PPM1D: variants seen among roughly 807,000 people sequenced by gnomAD.
The protein encoded by PPM1D is protein phosphatase 1D.
Under a neutral mutation model 58.3 loss-of-function variants are expected in PPM1D, and 52 were observed. That is an observed-to-expected ratio of 0.89 (90% confidence interval 0.71 to 1.12). The LOEUF (loss-of-function observed/expected upper bound fraction) is 1.12. Ranked by LOEUF, PPM1D falls within the 50% of genes most tolerant of loss-of-function variation. PPM1D has a pLI of 0.00. For synonymous variants in PPM1D, 278 were observed against 285.1 expected (o/e 0.98, Z 0.25); for missense variants, 564 against 777.2 (o/e 0.73, Z 3.26).
chr17:60,629,088 T>G (rs568273283), intron 2 of PPM1D, among the ~76,000 whole-genome samples: 1 of 152,304 alleles, frequency 6.6e-6, no homozygotes, highest in South Asian at 2.1e-4. Context: ...ACCCTCTTCT[T>G]GTATTTCTCT....
At chr17:60,616,607 CAAAAAAA>C (rs2030590740) in intron 1 of PPM1D, among the ~76,000 whole-genome samples, 1 of 150,186 alleles carries the variant, frequency 6.7e-6, no homozygotes, top group Non-Finnish European at 1.5e-5. Flanking sequence ...GAGACTGTCT[CAAAAAAA>C]GAAAAAGAAT....
At chr17:60,623,096 A>G (rs2030739378) in intron 1 of PPM1D, among the ~76,000 whole-genome samples, 1 of 152,196 alleles carries the variant, frequency 6.6e-6, no homozygotes, top group South Asian at 2.1e-4. Context: ...CAGAAAAACA[A>G]GTAGCTTTTT....
chr17:60,657,208 G>A (rs949244363), intron 5 of PPM1D: 1 of 658,512 alleles, frequency 1.5e-6, no homozygotes, highest in African/African-American at 2.0e-5. Context: ...ATAAGCCTGA[G>A]AGATTAAACT....
rs568131451 is a variant in PPM1D at position 60,658,349 on chromosome 17, C to T, written c.1260+1508C>T. On this transcript the variant is annotated intron_variant, in intron 5 of 5. Coordinates refer to ENST00000305921, the MANE Select transcript of PPM1D (RefSeq NM_003620.4). ...CATTAGTAAACCCATACATAAAATA[C>T]GTTTAAAAAATTACTTAAGCTGGGC... Among the ~76,000 whole-genome samples, 48 of 152,196 alleles carry T rather than the reference C, an allele frequency of 3.2e-4. No homozygotes were observed. The East Asian group carries it at 4.8e-3, about 15-fold the overall frequency.
intron 5 of PPM1D, among the ~76,000 whole-genome samples, chr17:60,661,726 G>A (rs1329544375): frequency 6.6e-6 from 1 of 152,156 alleles, no homozygotes; most frequent in East Asian, 1.9e-4. Flanking sequence ...GCAGTATCTA[G>A]TGTTTGCAGG....
intron 3 of PPM1D, among the ~76,000 whole-genome samples, chr17:60,645,657 TATACACACACACACATATACATATAC>T (rs2143699122): frequency 1.4e-5 from 2 of 141,702 alleles, no homozygotes; most frequent in Admixed American, 7.3e-5. Context: ...TATATATATA[TATACACACACACACATATACATATAC>T]ATATGTAGGT....
intron 4 of PPM1D, among the ~76,000 whole-genome samples, chr17:60,655,340 T>G (rs2031416954): frequency 6.6e-6 from 1 of 152,176 alleles, no homozygotes. Flanking sequence ...TAACTTGATG[T>G]TTACTTCTTG....
intron 1 of PPM1D, among the ~76,000 whole-genome samples, chr17:60,605,878 C>T (rs1184457834): frequency 1.3e-5 from 2 of 152,200 alleles, no homozygotes; most frequent in African/African-American, 4.8e-5. Flanking sequence ...GCACTCCAGC[C>T]TGGGAGAAGA....
chr17:60,634,091 A>G, intron 3 of PPM1D, 114 bp downstream of exon 3: 1 of 1,236,764 alleles, frequency 8.1e-7, no homozygotes, highest in Non-Finnish European at 1.1e-6. Context: ...GGGTAGAGAT[A>G]TCATGATATT....
At position 60,615,675 on chromosome 17, in the gene PPM1D, CT is replaced by C. The variant is rs746657008; in HGVS notation, c.473-7828del. ...AGTATGTGGGAGAATTTTCTTTTTA[CT>C]TTTTTTTTTTTTTTTTTGGGTAGAG... is the stretch of plus-strand genomic sequence containing the variant. On this transcript the variant is annotated intron_variant, in intron 1 of 5. Coordinates refer to ENST00000305921, the MANE Select transcript of PPM1D (RefSeq NM_003620.4). Among the ~76,000 whole-genome samples the C allele has an allele frequency of 6.6e-3, 829 of 124,824 alleles. 4 individuals carry two copies. Among genetic ancestry groups the C allele is most frequent in the African/African-American group, 0.019 (661 of 34,206 alleles). 81.9% of individuals were successfully genotyped at this position (124,824 alleles called of 152,430 possible). A position where few individuals can be genotyped will look rare whatever the true frequency, so the allele number is the denominator to read the frequency against.
chr17:60,614,796 C>T (rs1329642133), intron 1 of PPM1D, among the ~76,000 whole-genome samples: 2 of 152,132 alleles, frequency 1.3e-5, no homozygotes, highest in Non-Finnish European at 2.9e-5. Flanking sequence ...GGAAAGTCTG[C>T]AGCTTCATTC....
intron 1 of PPM1D, among the ~76,000 whole-genome samples, chr17:60,601,462 T>C (rs2030209832): frequency 6.6e-6 from 1 of 152,198 alleles, no homozygotes; most frequent in Non-Finnish European, 1.5e-5. Flanking sequence ...TCCGTTGTAA[T>C]GATGGTGAGA....
intron 3 of PPM1D, among the ~76,000 whole-genome samples, chr17:60,637,435 G>C (rs1265147168): frequency 6.6e-6 from 1 of 152,044 alleles, no homozygotes; most frequent in African/African-American, 2.4e-5. Context: ...TGAGCAGCTG[G>C]AAAAATGGAG....
At chr17:60,621,935 C>G (rs1247420434) in intron 1 of PPM1D, among the ~76,000 whole-genome samples, 1 of 148,410 alleles carries the variant, frequency 6.7e-6, no homozygotes, top group Non-Finnish European at 1.5e-5. Context: ...CGCCTGTAAT[C>G]CCAACACTTT....
Position 60,647,691 on chromosome 17 carries a change from G to A in PPM1D, c.827-201G>A, listed in dbSNP as rs192923621. ...AAGATGATTATTACAGAATTCTGGT[G>A]GATATACTTTATCAGGTTAAGGGAG... On this transcript the variant is annotated intron_variant, in intron 3 of 5. Coordinates refer to ENST00000305921, the MANE Select transcript of PPM1D (RefSeq NM_003620.4). Among the ~76,000 whole-genome samples, 7 of 152,244 alleles carry A rather than the reference G, an allele frequency of 4.6e-5. No individual in the cohort carries two copies. In the East Asian group the frequency reaches 1.3e-3, roughly 29 times the overall value.
chr17:60,653,035 C>CA (rs2031373615), intron 4 of PPM1D, among the ~76,000 whole-genome samples: 3 of 152,086 alleles, frequency 2.0e-5, no homozygotes, highest in Admixed American at 2.0e-4. Flanking sequence ...CTTTGGTTGC[C>CA]AGTGCTTTTG....
intron 3 of PPM1D, among the ~76,000 whole-genome samples, chr17:60,647,341 G>A (rs1375360476): frequency 1.3e-5 from 2 of 152,050 alleles, no homozygotes; most frequent in Non-Finnish European, 2.9e-5. Context: ...TTGGTTCATT[G>A]TTAAAATTGG....
chr17:60,605,703 G>A (rs2030315421), intron 1 of PPM1D, among the ~76,000 whole-genome samples: 1 of 152,166 alleles, frequency 6.6e-6, no homozygotes, highest in African/African-American at 2.4e-5. Context: ...AGGAGTTTGA[G>A]ATCAGCCTGG....
In PPM1D at chr17:60,600,277, C is replaced by G. The variant is rs1022817225; in HGVS notation, c.-138C>G. The G allele has an allele frequency of 3.1e-5, 44 of 1,426,660 alleles. No individual in the cohort carries two copies. The highest frequency in any genetic ancestry group is 2.6e-4 in the Middle Eastern group (1 of 3,896). 88.4% of individuals were successfully genotyped at this position (1,426,660 alleles called of 1,614,324 possible). A position where few individuals can be genotyped will look rare whatever the true frequency, so the allele number is the denominator to read the frequency against. ...GACAAGTCCAGACATCGCGCGCCCC[C>G]CCTTCTCCGGGTCCGCCCCCTCCCC... On this transcript the variant is annotated 5_prime_UTR_variant, in exon 1 of 6. Coordinates refer to ENST00000305921, the MANE Select transcript of PPM1D (RefSeq NM_003620.4).
Sources: gnomAD v4.1 joint callset for allele counts (sites outside exome capture counted in the v4.1 genomes callset) on GRCh38, gnomAD v4.1.1 for gene constraint, MANE v1.5 for transcripts, NCBI Gene and HGNC (gene_info 2026-07-23, HGNC 2026-07-21) for gene names.